FSTL5: variants seen among roughly 807,000 people sequenced by gnomAD.
FSTL5 encodes follistatin-related protein 5.
FSTL5 carries 62 observed loss-of-function variants against 89.1 expected under a neutral mutation model. The observed-to-expected ratio is 0.70, with a 90% CI of 0.57 to 0.86. FSTL5 has a LOEUF of 0.86. FSTL5 is among the 40% of genes least tolerant of loss of function. The pLI is 0.00. For missense variants in FSTL5, 1,057 were observed against 1,001.6 expected, an observed-to-expected ratio of 1.06 and a Z score of -0.75; for synonymous variants, 383 against 346.2, an observed-to-expected ratio of 1.11 and a Z score of -1.18.
intron 4 of FSTL5, among the ~76,000 whole-genome samples, chr4:161,823,715 A>G (rs989268292): frequency 1.3e-5 from 2 of 152,200 alleles, no homozygotes; most frequent in African/African-American, 2.4e-5. Flanking sequence ...CAGAGCATGA[A>G]ACTTCAGCTG....
At chr4:161,977,378 C>T (rs188910381) in intron 3 of FSTL5, among the ~76,000 whole-genome samples, 1,648 of 151,644 alleles carry the variant, frequency 0.011, 11 homozygotes, top group Non-Finnish European at 0.017. Flanking sequence ...TTTGGGAGGC[C>T]GAGGCAGGCG....
At chr4:162,022,340 T>C (rs1454986556) in intron 3 of FSTL5, among the ~76,000 whole-genome samples, 3 of 151,896 alleles carry the variant, frequency 2.0e-5, no homozygotes, top group Admixed American at 6.6e-5. Context: ...ATCTATAATA[T>C]TGCATTTCAT....
intron 15 of FSTL5, among the ~76,000 whole-genome samples, chr4:161,440,137 A>G (rs1343206480): frequency 6.6e-6 from 1 of 152,156 alleles, no homozygotes; most frequent in Non-Finnish European, 1.5e-5. Flanking sequence ...CCTTTTGAGC[A>G]GAAAAAAGAA....
intron 15 of FSTL5, among the ~76,000 whole-genome samples, chr4:161,442,147 GTT>G (rs58107906): frequency 1.4e-5 from 2 of 142,828 alleles, no homozygotes; most frequent in African/African-American, 2.6e-5. Flanking sequence ...TCTATAAAAG[GTT>G]TTTTTTTTTT....
At chr4:161,542,480 T>C in intron 9 of FSTL5, 52 bp downstream of exon 9, 1 of 1,171,462 alleles carries the variant, frequency 8.5e-7, no homozygotes, top group Non-Finnish European at 1.1e-6. Flanking sequence ...TAAATTTTAG[T>C]ATAAATTTTC....
Position 162,139,085 on chromosome 4 carries a change from T to C in FSTL5, c.-17+24530A>G, listed in dbSNP as rs1461108745. ...TTTTTCCCCATATCTTTTCAGTTACTTGTTTTTTAAATTTTACATTCTGGG... is the reference window on the plus strand; with the variant it reads ...TTTTTCCCCATATCTTTTCAGTTACCTGTTTTTTAAATTTTACATTCTGGG... On this transcript the variant is annotated intron_variant, in intron 1 of 15. Transcript: ENST00000306100. 3.3e-5 allele frequency among the ~76,000 whole-genome samples: 5 copies of C among 152,218 alleles called. No individual in the cohort carries two copies. The East Asian group carries it at 7.7e-4, about 23-fold the overall frequency.
chr4:161,629,587 C>T (rs1394436204), intron 7 of FSTL5, among the ~76,000 whole-genome samples: 1 of 152,068 alleles, frequency 6.6e-6, no homozygotes, highest in Non-Finnish European at 1.5e-5. Flanking sequence ...TCAGGTAATC[C>T]ACCCGCCTCG....
chr4:161,546,829 C>A (rs1732024078), intron 8 of FSTL5, among the ~76,000 whole-genome samples: 1 of 151,874 alleles, frequency 6.6e-6, no homozygotes, highest in Non-Finnish European at 1.5e-5. Context: ...GGAGGCATCT[C>A]TTTAGTAGTG....
intron 6 of FSTL5, among the ~76,000 whole-genome samples, chr4:161,711,788 G>A (rs537751985): frequency 6.2e-4 from 94 of 152,148 alleles, no homozygotes; most frequent in African/African-American, 2.1e-3. Context: ...ATGAAAAAGT[G>A]GGATTCATCT....
chr4:161,737,503 C>A (rs1739860677), intron 6 of FSTL5, among the ~76,000 whole-genome samples: 1 of 152,066 alleles, frequency 6.6e-6, no homozygotes, highest in Admixed American at 6.6e-5. Context: ...CTTTATTCTG[C>A]AAGAATAACG....
At chr4:162,123,910 T>A (rs1054869667) in intron 1 of FSTL5, among the ~76,000 whole-genome samples, 2 of 151,584 alleles carry the variant, frequency 1.3e-5, no homozygotes. Context: ...AGCAGCAACA[T>A]AGTGTTTTAT....
intron 8 of FSTL5, among the ~76,000 whole-genome samples, chr4:161,543,916 G>A (rs1053903715): frequency 6.6e-6 from 1 of 151,972 alleles, no homozygotes; most frequent in African/African-American, 2.4e-5. Flanking sequence ...GTTAGATTTT[G>A]TAGTGCATCA....
intron 3 of FSTL5, among the ~76,000 whole-genome samples, chr4:162,026,173 A>G (rs1226135444): frequency 6.6e-6 from 1 of 151,944 alleles, no homozygotes; most frequent in Non-Finnish European, 1.5e-5. Flanking sequence ...ATAAAGGCCA[A>G]CCATTCTAGG....
chr4:161,562,604 GT>G lies in FSTL5; in HGVS notation c.1016-19912del, dbSNP rs1160848997. ...CTATTTTTTGATACTAATATAAATG[GT>G]TTTTTTTCCTAATATTGTTTTTTTG... On this transcript the variant is annotated intron_variant, in intron 8 of 15. Transcript: ENST00000306100. 3.8e-5 allele frequency among the ~76,000 whole-genome samples: 5 copies of G among 130,024 alleles called. No homozygotes were observed. In the East Asian group the frequency reaches 1.1e-3, roughly 29 times the overall value. The allele number at this position is 130,024 out of a possible 152,430, so 85.3% of individuals were successfully genotyped here.
At chr4:161,680,857 A>C (rs1300887876) in intron 6 of FSTL5, among the ~76,000 whole-genome samples, 2 of 152,080 alleles carry the variant, frequency 1.3e-5, no homozygotes, top group Admixed American at 6.6e-5. Flanking sequence ...TGGCACATTA[A>C]AAGACTGAAA....
intron 3 of FSTL5, among the ~76,000 whole-genome samples, chr4:161,944,822 TTAGAA>T (rs1348795985): frequency 6.6e-6 from 1 of 151,702 alleles, no homozygotes; most frequent in Non-Finnish European, 1.5e-5. Context: ...TTTTATGTAT[TTAGAA>T]TAGTTATTCA....
At chr4:161,481,198 T>G (rs1023410825) in intron 12 of FSTL5, 29 bp from the exon 13 acceptor site, 8 of 1,570,438 alleles carry the variant, frequency 5.1e-6, no homozygotes, top group Non-Finnish European at 6.9e-6. Flanking sequence ...AAAATGAAAT[T>G]TATACCTTAA....
intron 10 of FSTL5, among the ~76,000 whole-genome samples, chr4:161,527,999 C>T (rs1182730730): frequency 6.6e-6 from 1 of 150,952 alleles, no homozygotes; most frequent in African/African-American, 2.5e-5. Context: ...TTTGTAGGGA[C>T]ATGGATGAAA....
intron 3 of FSTL5, among the ~76,000 whole-genome samples, chr4:162,010,555 T>C (rs113663864): frequency 1.3e-5 from 2 of 152,312 alleles, no homozygotes; most frequent in African/African-American, 4.8e-5. Flanking sequence ...TTTCATAATC[T>C]CAAAAGCAAC....
Sources: allele counts gnomAD v4.1 joint callset (sites outside exome capture counted in the v4.1 genomes callset), GRCh38; gene constraint gnomAD v4.1.1; transcripts MANE v1.5; gene names NCBI Gene and HGNC (gene_info 2026-07-23, HGNC 2026-07-21).